Variants in DTX2 observed in about 807,000 individuals in gnomAD.
DTX2 encodes deltex E3 ubiquitin ligase 2.
In DTX2, 29 loss-of-function variants were observed where a neutral mutation model predicts 55.3. That is an observed-to-expected ratio of 0.52 (90% CI 0.39 to 0.71). DTX2 has a LOEUF of 0.71. DTX2 is among the 30% of genes least tolerant of loss of function. The pLI is 0.00. For synonymous variants in DTX2, 276 were observed against 340.4 expected (o/e 0.81, Z 2.08); for missense variants, 537 against 822.5 (o/e 0.65, Z 4.25).
chr7:76,494,807 G>T (rs1322469363), intron 5 of DTX2, among the ~76,000 whole-genome samples: 3 of 128,514 alleles, frequency 2.3e-5, no homozygotes, highest in Non-Finnish European at 5.0e-5. Flanking sequence ...GGTACCTACT[G>T]GGGGAGCATT....
rs138592614 is a variant in DTX2, at chr7:76,503,584, C to T, written c.1548C>T (p.Ile516=). Residue 516 remains isoleucine (I), a synonymous_variant, in exon 9 of 11, where the codon ATC becomes ATT. Coordinates refer to ENST00000430490, the MANE Select transcript of DTX2 (RefSeq NM_001102594.3). ...TAGTTTACAGCATTCCCCATGGTAT[C>T]CAGGTGAGGGGCCTTCTTGAGTCCC... ...ILIVYSIPHG[I]QGPEHPNPGK... is the part of the protein sequence containing the mutation. 123 of 1,609,584 alleles carry T rather than the reference C, an allele frequency of 7.6e-5. No individual in the cohort carries two copies. The highest frequency in any genetic ancestry group is 1.7e-4 in the Middle Eastern group (1 of 6,040).
At chr7:76,495,857 G>A (rs1236909262) in intron 5 of DTX2, among the ~76,000 whole-genome samples, 4 of 145,072 alleles carry the variant, frequency 2.8e-5, no homozygotes, top group Non-Finnish European at 6.1e-5. Context: ...CAGTGTTGCC[G>A]GAGAACCCTG....
In DTX2 at chr7:76,482,782, G is replaced by T; in HGVS notation, c.543G>T (p.Pro181=). 6.2e-7 allele frequency: 1 copy of T among 1,611,574 alleles called. No homozygotes were observed. Among genetic ancestry groups the T allele is most frequent in the South Asian group, 1.1e-5 (1 of 90,912 alleles). Residue 181 remains proline (P), a synonymous_variant, in exon 4 of 11, where the codon CCG becomes CCT. Coordinates refer to ENST00000430490, the MANE Select transcript of DTX2 (RefSeq NM_001102594.3). ...SVRRQAGPPY[P]VTTIIAPPGH... is the part of the protein sequence containing the mutation. ...GGCGCCAAGCAGGGCCGCCTTACCCGGTGACCACCATCATCGCTCCGCCGG... is the reference window on the plus strand; with the variant it reads ...GGCGCCAAGCAGGGCCGCCTTACCCTGTGACCACCATCATCGCTCCGCCGG...
chr7:76,505,619 C>G lies in DTX2; in HGVS notation c.*18C>G. On this transcript the variant is annotated 3_prime_UTR_variant, in exon 11 of 11. Coordinates refer to ENST00000430490, the MANE Select transcript of DTX2 (RefSeq NM_001102594.3). This position sits in a 1 kb window ranked among gnomAD's most constrained non-coding sequence, Gnocchi z 4.4. ...AGCAGTGACCTCGCACCCCAGCACG[C>G]CCGCCTCTGGTGGCCACCCCGCTGC... 1 of 1,509,258 alleles carries G rather than the reference C, an allele frequency of 6.6e-7. No individual in the cohort carries two copies. The highest frequency in any genetic ancestry group is 8.8e-7 in the Non-Finnish European group (1 of 1,133,010). 93.5% of individuals were successfully genotyped at this position (1,509,258 alleles called of 1,614,324 possible).
chr7:76,483,896 A>T (rs1809607375), intron 4 of DTX2, among the ~76,000 whole-genome samples: 1 of 152,086 alleles, frequency 6.6e-6, no homozygotes, highest in Non-Finnish European at 1.5e-5. Flanking sequence ...TCCACAAAAA[A>T]AATTTTTTTA....
rs1191438381 is a variant in DTX2 at position 76,505,400 on chromosome 7, G to A, written c.1668G>A (p.Trp556Ter). 1 of 1,588,062 alleles carries A rather than the reference G, an allele frequency of 6.3e-7. No individual in the cohort carries two copies. Among genetic ancestry groups the A allele is most frequent in the Non-Finnish European group, 8.6e-7 (1 of 1,167,696 alleles). Residue 556 changes from tryptophan to a stop codon, truncating the protein, a stop_gained, in exon 11 of 11, where the codon TGG becomes TGA. Coordinates refer to ENST00000430490, the MANE Select transcript of DTX2 (RefSeq NM_001102594.3). LOFTEE classifies it high-confidence loss of function. This position sits in a 1 kb window ranked among gnomAD's most constrained non-coding sequence, Gnocchi z 4.4. ...TCCTAGAGCTCCTGAAGGTGGCCTG[G>A]AAGAGGCGGCTCATCTTCACAGTGG... ...RKVLELLKVA[W>*]KRRLIFTVGT...
rs1397116172 is a variant in DTX2 at position 76,464,769 on chromosome 7, C to T, written c.-90+1060C>T. On this transcript the variant is annotated intron_variant, in intron 2 of 10. Transcript: ENST00000430490. ...TTAGACTGGATTATTCGCTTTGTGGCGGTCTTCTTACATACATCATGCCAG... is the reference window on the plus strand; with the variant it reads ...TTAGACTGGATTATTCGCTTTGTGGTGGTCTTCTTACATACATCATGCCAG... Among the ~76,000 whole-genome samples the T allele has an allele frequency of 8.0e-5, 12 of 150,454 alleles. 1 individual carries two copies. In the South Asian group the frequency reaches 8.3e-4, roughly 10 times the overall value.
intron 2 of DTX2, among the ~76,000 whole-genome samples, chr7:76,474,190 T>C (rs1223112624): frequency 1.2e-5 from 1 of 84,002 alleles, no homozygotes; most frequent in Admixed American, 1.2e-4. Flanking sequence ...TTTTTTTCTT[T>C]TTCTTTTTCT....
At chr7:76,479,865 T>C (rs1178925044) in intron 2 of DTX2, among the ~76,000 whole-genome samples, 2 of 150,352 alleles carry the variant, frequency 1.3e-5, no homozygotes, top group East Asian at 3.9e-4. Flanking sequence ...GGCTGGTGAC[T>C]AGCACCCGGA....
intron 9 of DTX2, among the ~76,000 whole-genome samples, chr7:76,503,904 T>C (rs1213067956): frequency 6.7e-6 from 1 of 148,174 alleles, no homozygotes; most frequent in African/African-American, 2.5e-5. Context: ...GGAGGAACCC[T>C]GCGGAGGGGC....
At chr7:76,495,088 C>A (rs1182623382) in intron 5 of DTX2, among the ~76,000 whole-genome samples, 1 of 148,308 alleles carries the variant, frequency 6.7e-6, no homozygotes, top group African/African-American at 2.5e-5. Flanking sequence ...GTCCCTCTAT[C>A]GGGTGGGGGC....
At chr7:76,472,656 A>C (rs966529336) in intron 2 of DTX2, among the ~76,000 whole-genome samples, 4 of 150,488 alleles carry the variant, frequency 2.7e-5, no homozygotes, top group African/African-American at 9.9e-5. Context: ...TAATAGAAGT[A>C]ATACTTTCTC....
At chr7:76,476,793 A>G in intron 2 of DTX2, 1 of 151,590 alleles carries the variant, frequency 6.6e-6, no homozygotes, top group Non-Finnish European at 1.5e-5. Flanking sequence ...GAGTAGGAAC[A>G]GTGGCTGGTC....
Position 76,482,560 on chromosome 7 carries a change from C to T in DTX2, c.321C>T (p.Gly107=), listed in dbSNP as rs1809361214. The T allele has an allele frequency of 1.2e-6, 2 of 1,612,602 alleles. No homozygotes were observed. The highest frequency in any genetic ancestry group is 1.3e-5 in the African/African-American group (1 of 74,824). ...RHLFPQHSAP[G]RGVVWEWLSD... ...TGTTCCCCCAGCACTCAGCCCCTGGCCGAGGTGTCGTCTGGGAGTGGCTGA... is the reference window on the plus strand; with the variant it reads ...TGTTCCCCCAGCACTCAGCCCCTGGTCGAGGTGTCGTCTGGGAGTGGCTGA... The change falls in exon 4 of 11, where the codon GGC becomes GGT. Residue 107 remains glycine (G), a synonymous_variant. Transcript: ENST00000430490.
At chr7:76,471,774 C>T (rs1225432681) in intron 2 of DTX2, among the ~76,000 whole-genome samples, 1 of 151,240 alleles carries the variant, frequency 6.6e-6, no homozygotes, top group African/African-American at 2.5e-5. Context: ...GCCCGTAAAC[C>T]AGGGCTCCAC....
In DTX2 at chr7:76,505,082, G is replaced by A. The variant is rs897793772; in HGVS notation, c.1642-292G>A. Among the ~76,000 whole-genome samples the A allele has an allele frequency of 1.3e-5, 2 of 151,848 alleles. No homozygotes were observed. The highest frequency in any genetic ancestry group is 2.4e-5 in the African/African-American group (1 of 41,350). ...GGTGGGCGGGCGCTCGTCCAGCAACGGCTGTGGAAGCAGGGAGGACTCGAG... is the reference window on the plus strand; with the variant it reads ...GGTGGGCGGGCGCTCGTCCAGCAACAGCTGTGGAAGCAGGGAGGACTCGAG... On this transcript the variant is annotated intron_variant, in intron 10 of 10. Transcript: ENST00000430490. This position sits in a 1 kb window ranked among gnomAD's most constrained non-coding sequence, Gnocchi z 4.4.
At chr7:76,478,558 A>G (rs1397975620) in intron 2 of DTX2, among the ~76,000 whole-genome samples, 4 of 148,184 alleles carry the variant, frequency 2.7e-5, no homozygotes, top group South Asian at 4.4e-4. Flanking sequence ...GACTATTGGC[A>G]TGCACCTCCG....
intron 2 of DTX2, chr7:76,478,207 T>C (rs1808757535): frequency 1.4e-5 from 2 of 144,156 alleles, no homozygotes; most frequent in South Asian, 4.7e-4. Context: ...ACCCAGGTAG[T>C]TACAGTGACG....
intron 2 of DTX2, among the ~76,000 whole-genome samples, chr7:76,472,838 A>G (rs1454159572): frequency 1.3e-5 from 2 of 152,206 alleles, no homozygotes; most frequent in African/African-American, 4.8e-5. Flanking sequence ...AGTTTGCCCT[A>G]TGCTTCTGTT....
Sources: allele counts gnomAD v4.1 joint callset (sites outside exome capture counted in the v4.1 genomes callset), GRCh38; gene constraint gnomAD v4.1.1; non-coding constraint Gnocchi (gnomAD v3.1); transcripts MANE v1.5; gene names NCBI Gene and HGNC (gene_info 2026-07-23, HGNC 2026-07-21).